APBB2: variants seen among roughly 807,000 people sequenced by gnomAD.
APBB2 encodes the protein amyloid beta precursor protein binding family B member 2, also known as Fe65-like 1.
In APBB2, 38 loss-of-function variants were observed where a neutral mutation model predicts 82.5. The ratio of observed to expected loss-of-function variants is 0.46; its 90% CI spans 0.36 to 0.60. APBB2 has a LOEUF of 0.60. Among genes scored for constraint, APBB2 ranks in the 20% least tolerant of loss-of-function variants. The pLI is 0.00. For synonymous variants in APBB2, 341 were observed against 368.2 expected, an observed-to-expected ratio of 0.93 and a Z score of 0.85; for missense variants, 772 against 972.3, an observed-to-expected ratio of 0.79 and a Z score of 2.74.
intron 1 of APBB2, among the ~76,000 whole-genome samples, chr4:41,156,102 A>C (rs1160605258): frequency 6.6e-6 from 1 of 152,134 alleles, no homozygotes; most frequent in Non-Finnish European, 1.5e-5. Flanking sequence ...AAAAAAAAAA[A>C]AACCCTGAAC....
At chr4:41,132,973 C>T (rs1180419434) in intron 2 of APBB2, among the ~76,000 whole-genome samples, 2 of 151,468 alleles carry the variant, frequency 1.3e-5, no homozygotes, top group Non-Finnish European at 2.9e-5. Context: ...AATTCAAATA[C>T]AGAAAAGGAA....
intron 3 of APBB2, among the ~76,000 whole-genome samples, chr4:41,083,853 T>C (rs1738638291): frequency 6.6e-6 from 1 of 152,132 alleles, no homozygotes; most frequent in African/African-American, 2.4e-5. Flanking sequence ...ACACCAGTAT[T>C]TTCTGTACTA....
intron 4 of APBB2, among the ~76,000 whole-genome samples, chr4:41,060,427 G>A (rs113213413): frequency 6.6e-5 from 10 of 152,150 alleles, no homozygotes; most frequent in South Asian, 2.1e-4. Flanking sequence ...TTTATTCAGC[G>A]TCAGGCTCCA....
At chr4:41,145,287 T>C (rs1311652961) in intron 1 of APBB2, among the ~76,000 whole-genome samples, 1 of 152,140 alleles carries the variant, frequency 6.6e-6, no homozygotes, top group Non-Finnish European at 1.5e-5. Context: ...GGCAACCCAT[T>C]GCTCTAATAA....
At chr4:40,997,290 T>C in intron 6 of APBB2, among the ~76,000 whole-genome samples, 1 of 152,180 alleles carries the variant, frequency 6.6e-6, no homozygotes, top group Non-Finnish European at 1.5e-5. Flanking sequence ...TTAAATGGCT[T>C]TCTGTGCGTC....
At chr4:41,187,079 A>T (rs1773099585) in intron 1 of APBB2, among the ~76,000 whole-genome samples, 3 of 152,344 alleles carry the variant, frequency 2.0e-5, no homozygotes, top group South Asian at 4.1e-4. Flanking sequence ...AAGTTTTAGC[A>T]AACAACCCCA....
chr4:40,817,939 G>A (rs1746373850), intron 17 of APBB2, among the ~76,000 whole-genome samples: 1 of 152,114 alleles, frequency 6.6e-6, no homozygotes. Context: ...TGGCAACATG[G>A]GACTCTGGAC....
chr4:40,956,098 G>A (rs1423541468), intron 6 of APBB2, among the ~76,000 whole-genome samples: 3 of 152,010 alleles, frequency 2.0e-5, no homozygotes, highest in South Asian at 2.1e-4. Context: ...CTGATCACAC[G>A]GTGGCCCTCC....
chr4:40,971,853 T>C (rs139036370), intron 6 of APBB2, among the ~76,000 whole-genome samples: 134 of 152,326 alleles, frequency 8.8e-4, no homozygotes, highest in Non-Finnish European at 1.2e-4. Flanking sequence ...ATTCAAACCA[T>C]TGACTTATTA....
intron 5 of APBB2, among the ~76,000 whole-genome samples, chr4:41,031,713 T>C (rs1716900816): frequency 2.0e-5 from 3 of 152,342 alleles, no homozygotes; most frequent in African/African-American, 4.8e-5. Flanking sequence ...GTTTTCATAC[T>C]AGAGTACCTT....
At chr4:40,977,880 T>C (rs572446694) in intron 6 of APBB2, among the ~76,000 whole-genome samples, 7 of 152,142 alleles carry the variant, frequency 4.6e-5, no homozygotes, top group Admixed American at 6.5e-5. Flanking sequence ...AGGAGTTTCA[T>C]ATAAGATAGA....
intron 2 of APBB2, among the ~76,000 whole-genome samples, chr4:41,111,700 T>C (rs1028327221): frequency 2.5e-4 from 38 of 152,234 alleles, no homozygotes; most frequent in African/African-American, 8.7e-4. Flanking sequence ...ATTTCCATTC[T>C]GCATAGCTCC....
At chr4:41,047,052 C>T (rs181103897) in intron 4 of APBB2, among the ~76,000 whole-genome samples, 3 of 152,290 alleles carry the variant, frequency 2.0e-5, no homozygotes, top group East Asian at 3.9e-4. Context: ...TAGCACAGAA[C>T]AGAATTGCAA....
chr4:40,843,223 A>G (rs772423168), intron 12 of APBB2, among the ~76,000 whole-genome samples: 1 of 152,176 alleles, frequency 6.6e-6, no homozygotes, highest in Admixed American at 6.5e-5. Flanking sequence ...AAGAAACCCA[A>G]TGTTTACAGA....
At chr4:41,137,658 C>T (rs145004466) in intron 2 of APBB2, among the ~76,000 whole-genome samples, 49 of 152,198 alleles carry the variant, frequency 3.2e-4, no homozygotes, top group African/African-American at 1.2e-3. Context: ...AGCATAAGGA[C>T]AGATGGTAAA....
intron 1 of APBB2, among the ~76,000 whole-genome samples, chr4:41,165,214 T>C (rs1766188109): frequency 6.6e-6 from 1 of 152,224 alleles, no homozygotes; most frequent in African/African-American, 2.4e-5. Context: ...CACTTAACTG[T>C]TTCCTCACTG....
At chr4:40,883,899 T>C (rs1297213150) in intron 12 of APBB2, among the ~76,000 whole-genome samples, 4 of 152,194 alleles carry the variant, frequency 2.6e-5, no homozygotes, top group Non-Finnish European at 4.4e-5. Context: ...GTGGAAACTA[T>C]TCTCAGCTCA....
chr4:40,898,644 CA>C (rs76074443), intron 10 of APBB2, among the ~76,000 whole-genome samples: 19,033 of 151,952 alleles, frequency 0.13, 1,393 homozygotes, highest in Middle Eastern at 0.19. Context: ...AGATTTCAGC[CA>C]AAGCCAGCAC....
At chr4:40,899,731 G>T (rs769637478) in intron 10 of APBB2, among the ~76,000 whole-genome samples, 7 of 152,310 alleles carry the variant, frequency 4.6e-5, no homozygotes, top group African/African-American at 1.7e-4. Flanking sequence ...TTCTCCTGCT[G>T]AATTTCTAGG....
Sources: allele counts gnomAD v4.1 joint callset (sites outside exome capture counted in the v4.1 genomes callset), GRCh38; gene constraint gnomAD v4.1.1; transcripts MANE v1.5; gene names NCBI Gene and HGNC (gene_info 2026-07-23, HGNC 2026-07-21).